Variants in TRABD2B observed in about 807,000 individuals in gnomAD.
TRABD2B encodes TraB domain containing 2B.
TRABD2B carries 14 observed loss-of-function variants against 40.1 expected under a neutral mutation model. The observed-to-expected ratio is 0.35, with a 90% CI of 0.23 to 0.55. The LOEUF (loss-of-function observed/expected upper bound fraction) is 0.55. Ranked by LOEUF, TRABD2B falls within the 20% of genes least tolerant of loss-of-function variation. TRABD2B has a pLI of 0.90. For missense variants in TRABD2B, 541 were observed against 648.6 expected, an observed-to-expected ratio of 0.83 and a Z score of 1.80; for synonymous variants, 263 against 277.0, an observed-to-expected ratio of 0.95 and a Z score of 0.50.
intron 2 of TRABD2B, among the ~76,000 whole-genome samples, chr1:47,929,956 A>T (rs892716862): frequency 1.3e-5 from 2 of 152,144 alleles, no homozygotes; most frequent in African/African-American, 4.8e-5. Context: ...GTATGAAAAG[A>T]GGTGGTTACG....
In TRABD2B at chr1:47,994,221, C is replaced by T. The variant is rs1427562981; in HGVS notation, c.479G>A (p.Arg160His). The T allele has an allele frequency of 3.2e-6, 5 of 1,546,534 alleles. No individual in the cohort carries two copies. Among genetic ancestry groups the T allele is most frequent in the Non-Finnish European group, 4.3e-6 (5 of 1,151,836 alleles). The change falls in exon 2 of 7, where the codon CGC (arginine) becomes CAC (histidine). Residue 160 changes from arginine (R) to histidine (H), a missense_variant. Transcript: ENST00000606738. The surrounding 1 kb of genome is among the most constrained non-coding windows in gnomAD (Gnocchi z 6.7). ...GAGCATCACCCAGACGGGCCTCTTG[C>T]GCTCCCAGTTGCCCGCGATGGCATT... The part of the protein sequence containing the change: ...LFNAIAGNWE[R>H]KRPVWVMLMV...
At chr1:47,824,378 ACT>A (rs1464406539) in intron 2 of TRABD2B, among the ~76,000 whole-genome samples, 1 of 151,926 alleles carries the variant, frequency 6.6e-6, no homozygotes. Context: ...TTCAACCCTG[ACT>A]CTGACGCCCA....
At chr1:47,773,596 C>A (rs1260129973) in intron 6 of TRABD2B, among the ~76,000 whole-genome samples, 1 of 152,236 alleles carries the variant, frequency 6.6e-6, no homozygotes, top group Non-Finnish European at 1.5e-5. Flanking sequence ...GGTTCTCATT[C>A]TCTCTCTTTG....
At chr1:47,767,895 C>G (rs1242612235) in intron 6 of TRABD2B, among the ~76,000 whole-genome samples, 1 of 152,234 alleles carries the variant, frequency 6.6e-6, no homozygotes, top group Non-Finnish European at 1.5e-5. Context: ...TAATCACCAC[C>G]ACCAGAACTA....
intron 2 of TRABD2B, among the ~76,000 whole-genome samples, chr1:47,958,747 C>A (rs1220775552): frequency 6.6e-6 from 1 of 152,078 alleles, no homozygotes; most frequent in Non-Finnish European, 1.5e-5. Context: ...CTTAAGACTC[C>A]CACACAGTAA....
intron 2 of TRABD2B, among the ~76,000 whole-genome samples, chr1:47,818,371 CCTT>C (rs1645063417): frequency 1.3e-5 from 2 of 152,260 alleles, no homozygotes; most frequent in Admixed American, 1.3e-4. Context: ...TCCTTCTTCT[CCTT>C]CTTGGGACCT....
intron 2 of TRABD2B, among the ~76,000 whole-genome samples, chr1:47,976,375 A>C (rs7554975): frequency 0.47 from 71,842 of 151,766 alleles, 18,323 homozygotes; most frequent in Middle Eastern, 0.66. Context: ...TTCAGCATTT[A>C]TCTCTCTCTG....
chr1:47,982,239 T>A (rs775158311), intron 2 of TRABD2B, among the ~76,000 whole-genome samples: 2 of 152,266 alleles, frequency 1.3e-5, no homozygotes, highest in East Asian at 3.9e-4. Flanking sequence ...TTGTACAGAA[T>A]GGGCTTCACT....
chr1:47,925,043 T>C (rs942978209), intron 2 of TRABD2B, among the ~76,000 whole-genome samples: 1 of 152,160 alleles, frequency 6.6e-6, no homozygotes, highest in Non-Finnish European at 1.5e-5. Flanking sequence ...AACTGAATCT[T>C]TCTCTTAATA....
At chr1:47,803,429 A>G (rs545166350) in intron 2 of TRABD2B, among the ~76,000 whole-genome samples, 45 of 152,336 alleles carry the variant, frequency 3.0e-4, no homozygotes, top group Non-Finnish European at 5.1e-4. Context: ...AATCCAGGCT[A>G]GACTGCTGGA....
chr1:47,864,392 G>T (rs1000396887), intron 2 of TRABD2B, among the ~76,000 whole-genome samples: 1 of 151,940 alleles, frequency 6.6e-6, no homozygotes, highest in African/African-American at 2.4e-5. Context: ...GGGATGCTGT[G>T]CACATGTTGG....
At chr1:47,929,616 T>C (rs1279000091) in intron 2 of TRABD2B, among the ~76,000 whole-genome samples, 5 of 152,204 alleles carry the variant, frequency 3.3e-5, no homozygotes, top group African/African-American at 1.2e-4. Flanking sequence ...TGCCTTCTGA[T>C]CCACAAAACT....
At chr1:47,896,566 T>C (rs534052694) in intron 2 of TRABD2B, among the ~76,000 whole-genome samples, 1 of 152,310 alleles carries the variant, frequency 6.6e-6, no homozygotes, top group South Asian at 2.1e-4. Flanking sequence ...AAAGATGTTG[T>C]AGCGAGAGTG....
intron 2 of TRABD2B, among the ~76,000 whole-genome samples, chr1:47,946,546 T>A (rs958530858): frequency 2.6e-5 from 4 of 152,236 alleles, no homozygotes; most frequent in Non-Finnish European, 5.9e-5. Flanking sequence ...ATTGATTGAT[T>A]TTTGAACATT....
chr1:47,980,139 C>T (rs1265930659), intron 2 of TRABD2B, among the ~76,000 whole-genome samples: 1 of 152,154 alleles, frequency 6.6e-6, no homozygotes. Context: ...TCTCCCCATG[C>T]TTCCCACTAG....
intron 2 of TRABD2B, among the ~76,000 whole-genome samples, chr1:47,993,645 C>T (rs1646045202): frequency 6.6e-6 from 1 of 152,180 alleles, no homozygotes; most frequent in South Asian, 2.1e-4. Flanking sequence ...TGTCCACACA[C>T]CAGCCTCAAT....
At chr1:47,920,475 G>A (rs906947997) in intron 2 of TRABD2B, among the ~76,000 whole-genome samples, 1 of 152,214 alleles carries the variant, frequency 6.6e-6, no homozygotes, top group Non-Finnish European at 1.5e-5. Flanking sequence ...CCCTGGGGAG[G>A]CTGGGTGTTT....
intron 2 of TRABD2B, among the ~76,000 whole-genome samples, chr1:47,972,474 C>T (rs971896302): frequency 2.0e-5 from 3 of 149,862 alleles, no homozygotes; most frequent in Admixed American, 6.7e-5. Flanking sequence ...GAGGGTGGCA[C>T]CCTAGTGAAT....
intron 5 of TRABD2B, among the ~76,000 whole-genome samples, chr1:47,776,400 G>A (rs1434171037): frequency 6.6e-6 from 1 of 152,190 alleles, no homozygotes; most frequent in Non-Finnish European, 1.5e-5. Context: ...ACTTCATGGG[G>A]TTGTCATGAG....
Sources: allele counts gnomAD v4.1 joint callset (sites outside exome capture counted in the v4.1 genomes callset), GRCh38; gene constraint gnomAD v4.1.1; non-coding constraint Gnocchi (gnomAD v3.1); transcripts MANE v1.5; gene names NCBI Gene and HGNC (gene_info 2026-07-23, HGNC 2026-07-21).